Variants in TNFSF8 observed in about 807,000 individuals in gnomAD.
TNFSF8 encodes tumor necrosis factor ligand superfamily member 8.
TNFSF8 carries 4 observed loss-of-function variants against 22.0 expected under a neutral mutation model. The observed-to-expected ratio is 0.18, with a 90% CI of 0.09 to 0.42. The LOEUF (loss-of-function observed/expected upper bound fraction) is 0.42, where lower values mean the gene tolerates loss of function less well. Among genes scored for constraint, TNFSF8 ranks in the 10% least tolerant of loss-of-function variants. The probability of loss-of-function intolerance (pLI) is 1.00; values close to 1 mark genes in which losing one functional copy is unlikely to be tolerated. For missense variants in TNFSF8, 233 were observed against 281.8 expected (o/e 0.83, Z 1.24); for synonymous variants, 106 against 112.5 (o/e 0.94, Z 0.37).
chr9:114,913,532 C>T (rs894603199), intron 2 of TNFSF8, among the ~76,000 whole-genome samples: 3 of 152,094 alleles, frequency 2.0e-5, no homozygotes, highest in Non-Finnish European at 2.9e-5. Flanking sequence ...CCGCAGGTGC[C>T]GAAGAAGTGA....
intron 1 of TNFSF8, among the ~76,000 whole-genome samples, chr9:114,923,491 T>TTTCC (rs1828015969): frequency 1.3e-5 from 1 of 74,398 alleles, no homozygotes; most frequent in African/African-American, 1.1e-4. Flanking sequence ...TCTTTCTTTC[T>TTTCC]TTCTTTCTTT....
At chr9:114,929,849 G>T (rs1828112970) in intron 1 of TNFSF8, among the ~76,000 whole-genome samples, 1 of 142,596 alleles carries the variant, frequency 7.0e-6, no homozygotes, top group Admixed American at 7.4e-5. Flanking sequence ...AGAGAGTTAA[G>T]TTCCTCTTTC....
At chr9:114,904,991 C>A (rs1827767514) in intron 3 of TNFSF8, among the ~76,000 whole-genome samples, 1 of 152,174 alleles carries the variant, frequency 6.6e-6, no homozygotes, top group African/African-American at 2.4e-5. Context: ...GGGCTCTTGC[C>A]ATCTGGGATT....
chr9:114,897,503 A>G (rs1442503824), downstream of TNFSF8, among the ~76,000 whole-genome samples: 1 of 152,188 alleles, frequency 6.6e-6, no homozygotes, highest in African/African-American at 2.4e-5. Context: ...GGTGAAGGGT[A>G]AAGTGTCATG....
chr9:114,907,260 G>A (rs1827796249), intron 2 of TNFSF8, among the ~76,000 whole-genome samples: 1 of 152,078 alleles, frequency 6.6e-6, no homozygotes, highest in African/African-American at 2.4e-5. Context: ...AGAGCTTCTG[G>A]TCCAAAGCTC....
chr9:114,907,962 T>C (rs1827804818), intron 2 of TNFSF8, among the ~76,000 whole-genome samples: 1 of 152,218 alleles, frequency 6.6e-6, no homozygotes, highest in African/African-American at 2.4e-5. Context: ...GATTCCTGAC[T>C]GCTGTCCGGG....
At chr9:114,907,651 C>T (rs372019429) in intron 2 of TNFSF8, among the ~76,000 whole-genome samples, 7 of 152,162 alleles carry the variant, frequency 4.6e-5, no homozygotes, top group African/African-American at 1.7e-4. Context: ...CTTCCCTCCT[C>T]CCCTTTCCCT....
intron 1 of TNFSF8, among the ~76,000 whole-genome samples, chr9:114,927,458 T>C (rs563706788): frequency 6.6e-6 from 1 of 152,348 alleles, no homozygotes; most frequent in South Asian, 2.1e-4. Flanking sequence ...GTCTCTTTGC[T>C]CATGCTGTTC....
intron 2 of TNFSF8, among the ~76,000 whole-genome samples, chr9:114,917,092 A>G (rs1401072271): frequency 6.6e-6 from 1 of 152,186 alleles, no homozygotes; most frequent in Non-Finnish European, 1.5e-5. Context: ...AGGCATGGGC[A>G]AGGGAAACTT....
At chr9:114,895,123 C>T (rs1827643701) in intron 4 of TNFSF8, among the ~76,000 whole-genome samples, 1 of 152,210 alleles carries the variant, frequency 6.6e-6, no homozygotes, top group South Asian at 2.1e-4. Context: ...GAAGGAGGAT[C>T]AGCCTTCAAA....
In TNFSF8 at chr9:114,902,464, T is replaced by C; in HGVS notation, c.*1467A>G. Reference sequence around the variant, plus strand: ...GCCTGCTGCTCAATTATTGTCAATCTAACTGGAATAGAGTCAGGCCTCGTC... The same window carrying C: ...GCCTGCTGCTCAATTATTGTCAATCCAACTGGAATAGAGTCAGGCCTCGTC... On this transcript the variant is annotated 3_prime_UTR_variant, in exon 4 of 4. Transcript: ENST00000223795. 4 of 985,438 alleles carry C rather than the reference T, an allele frequency of 4.1e-6. No homozygotes were observed. The highest frequency in any genetic ancestry group is 4.8e-6 in the Non-Finnish European group (4 of 829,930). 61.0% of individuals were successfully genotyped at this position (985,438 alleles called of 1,614,324 possible).
At chr9:114,897,947 G>A (rs979766327), downstream of TNFSF8, among the ~76,000 whole-genome samples, 1 of 152,050 alleles carries the variant, frequency 6.6e-6, no homozygotes, top group East Asian at 1.9e-4. Flanking sequence ...CATTGGCCAT[G>A]CTCCTCAACA....
rs770151801 is a variant in TNFSF8 at position 114,904,026 on chromosome 9, T to A, written c.610A>T (p.Ile204Leu). 11 of 1,614,136 alleles carry A rather than the reference T, an allele frequency of 6.8e-6. No homozygotes were observed. The highest frequency in any genetic ancestry group is 9.3e-6 in the Non-Finnish European group (11 of 1,179,972). Residue 204 changes from isoleucine to leucine, a missense_variant, in exon 4 of 4, where the codon ATA (isoleucine) becomes TTA (leucine). Ile to Leu is a conservative substitution (Grantham distance 5, BLOSUM62 2). Transcript: ENST00000223795. ...LLDYLQVNTT[I>L]SVNVDTFQYI... Reference sequence around the variant, plus strand: ...TGGAATGTATCCACATTGACTGATATGGTGGTGTTGACCTGCAGGTAATCC... The same window carrying A: ...TGGAATGTATCCACATTGACTGATAAGGTGGTGTTGACCTGCAGGTAATCC...
chr9:114,923,860 G>A (rs1457988014), intron 1 of TNFSF8, among the ~76,000 whole-genome samples: 1 of 152,120 alleles, frequency 6.6e-6, no homozygotes, highest in African/African-American at 2.4e-5. Context: ...TTACAAAGGC[G>A]ATAGTTGGTG....
At chr9:114,930,052 C>T (rs988038877) in intron 1 of TNFSF8, 57 bp downstream of exon 1, 33 of 1,356,356 alleles carry the variant, frequency 2.4e-5, no homozygotes, top group African/African-American at 4.5e-5. Context: ...GTTCCCAGGG[C>T]TCTTTCTCTC....
chr9:114,920,018 G>A (rs572817929), intron 1 of TNFSF8, among the ~76,000 whole-genome samples: 8 of 152,278 alleles, frequency 5.3e-5, no homozygotes, highest in Non-Finnish European at 8.8e-5. Context: ...AACAGTCTAC[G>A]ACTTTGTTGC....
chr9:114,902,893 T>C lies in TNFSF8; in HGVS notation c.*1038A>G. On this transcript the variant is annotated 3_prime_UTR_variant, in exon 4 of 4. Coordinates refer to ENST00000223795, the MANE Select transcript of TNFSF8 (RefSeq NM_001244.4). ...TTGGCAACCATTTTGTATACAAGTTTAATTTCTCATACCAGAAGCCGGGCT... is the reference window on the plus strand; with the variant it reads ...TTGGCAACCATTTTGTATACAAGTTCAATTTCTCATACCAGAAGCCGGGCT... 2.6e-6 allele frequency: 1 copy of C among 386,780 alleles called. No homozygotes were observed. The highest frequency in any genetic ancestry group is 3.5e-6 in the Non-Finnish European group (1 of 282,588). 24.0% of individuals were successfully genotyped at this position (386,780 alleles called of 1,614,324 possible).
In TNFSF8 at chr9:114,930,367, T is replaced by C. The variant is rs1033341770; in HGVS notation, c.-64A>G. The C allele has an allele frequency of 1.8e-5, 23 of 1,265,926 alleles. No individual in the cohort carries two copies. The African/African-American group carries it at 3.2e-4, about 18-fold the overall frequency. The allele number at this position is 1,265,926 out of a possible 1,614,324, so 78.4% of individuals were successfully genotyped here. ...TTCATCTGATTCAGTTCTGGGCCCA[T>C]CTCTGTTCCAAGAAGGATTCTCCCC... On this transcript the variant is annotated 5_prime_UTR_variant, in exon 1 of 4. The change abolishes an upstream ATG in the 5' untranslated region. Coordinates refer to ENST00000223795, the MANE Select transcript of TNFSF8 (RefSeq NM_001244.4).
intron 4 of TNFSF8, chr9:114,894,225 C>T (rs761749711): frequency 1.6e-4 from 220 of 1,414,602 alleles, no homozygotes; most frequent in South Asian, 2.2e-4. Context: ...TACATTTTGA[C>T]GTTGTTGTTA....
Sources: allele counts gnomAD v4.1 joint callset (sites outside exome capture counted in the v4.1 genomes callset), GRCh38; gene constraint gnomAD v4.1.1; transcripts MANE v1.5; gene names NCBI Gene and HGNC (gene_info 2026-07-23, HGNC 2026-07-21).